Variants in PTPRA observed in about 807,000 individuals in gnomAD.
PTPRA encodes the protein protein tyrosine phosphatase receptor type A, also known as receptor-type tyrosine-protein phosphatase alpha.
A neutral mutation model predicts 104.8 loss-of-function variants in PTPRA; 25 were observed. The ratio of observed to expected loss-of-function variants is 0.24; its 90% CI spans 0.17 to 0.33. The LOEUF (loss-of-function observed/expected upper bound fraction) is 0.33. Among genes scored for constraint, PTPRA ranks in the 10% least tolerant of loss-of-function variants. The pLI is 1.00. For synonymous variants in PTPRA, 323 were observed against 368.9 expected, an observed-to-expected ratio of 0.88 and a Z score of 1.43; for missense variants, 765 against 1,015.3, an observed-to-expected ratio of 0.75 and a Z score of 3.35.
rs75018416 is a variant in PTPRA, at chr20:2,955,680, A to G, written c.-7+7656A>G. The G allele has an allele frequency of 7.1e-6, 7 of 983,998 alleles. No individual in the cohort carries two copies. The East Asian group carries it at 8.0e-4, about 112-fold the overall frequency. The allele number at this position is 983,998 out of a possible 1,614,324, so 61.0% of individuals were successfully genotyped here. A position where few individuals can be genotyped will look rare whatever the true frequency, so the allele number is the denominator to read the frequency against. On this transcript the variant is annotated intron_variant, in intron 3 of 23. Transcript: ENST00000399903. ...GGCAACTCTTCAGAGTGCTGTTCCT[A>G]CTCCACCCTCCCCTGGTGGTATGTA...
intron 1 of PTPRA, among the ~76,000 whole-genome samples, chr20:2,898,244 T>C (rs943653897): frequency 3.3e-5 from 5 of 151,714 alleles, no homozygotes; most frequent in Non-Finnish European, 7.4e-5. Flanking sequence ...CATGCCCGGC[T>C]AATTTTTTTG....
chr20:3,029,847 C>T (rs918343301), intron 20 of PTPRA, among the ~76,000 whole-genome samples: 1 of 152,066 alleles, frequency 6.6e-6, no homozygotes, highest in Non-Finnish European at 1.5e-5. Context: ...TCATTAATAA[C>T]AATACTGATG....
chr20:2,990,469 A>G (rs1279109516), intron 9 of PTPRA, among the ~76,000 whole-genome samples: 1 of 152,064 alleles, frequency 6.6e-6, no homozygotes. Context: ...TATAATCCCA[A>G]CACTTTGAGA....
chr20:2,866,261 A>G, the PTPRA span: 1 of 1,614,130 alleles, frequency 6.2e-7, no homozygotes, highest in Non-Finnish European at 8.5e-7. Context: ...GAAGCCAAGA[A>G]GTATGCTTCC....
chr20:2,946,707 G>T (rs976709576), intron 2 of PTPRA, among the ~76,000 whole-genome samples: 2 of 151,954 alleles, frequency 1.3e-5, no homozygotes, highest in Admixed American at 1.3e-4. Flanking sequence ...AATTAGCCGG[G>T]CGTGGTGGCG....
the PTPRA span, chr20:2,864,482 T>A: frequency 1.2e-5 from 20 of 1,613,876 alleles, no homozygotes; most frequent in East Asian, 8.9e-5. The surrounding 1 kb of genome is among the most constrained non-coding windows in gnomAD (Gnocchi z 5.2). Flanking sequence ...GTGGGCAGGG[T>A]TGTGGTGTAG....
intron 2 of PTPRA, among the ~76,000 whole-genome samples, 199 bp from the exon 3 acceptor site, chr20:2,947,783 T>C (rs2061192382): frequency 6.6e-6 from 1 of 152,194 alleles, no homozygotes. Context: ...GAAGTTAGTG[T>C]CTGCCAGTAT....
intron 1 of PTPRA, among the ~76,000 whole-genome samples, chr20:2,901,056 C>G (rs1443871643): frequency 6.6e-6 from 1 of 151,906 alleles, no homozygotes; most frequent in Non-Finnish European, 1.5e-5. Flanking sequence ...ACTGTGACCT[C>G]TGCCTCCTGG....
At chr20:2,982,523 G>A (rs2062725756) in intron 6 of PTPRA, among the ~76,000 whole-genome samples, 1 of 152,058 alleles carries the variant, frequency 6.6e-6, no homozygotes, top group African/African-American at 2.4e-5. Flanking sequence ...TAGGTTTTAG[G>A]TGTACAGTGA....
At chr20:2,939,283 A>G (rs2060818345) in intron 2 of PTPRA, among the ~76,000 whole-genome samples, 1 of 152,204 alleles carries the variant, frequency 6.6e-6, no homozygotes, top group Non-Finnish European at 1.5e-5. Flanking sequence ...TCTCCTCACC[A>G]TAATCCTTTC....
chr20:3,007,570 A>C, intron 11 of PTPRA, 150 bp downstream of exon 11: 1 of 739,224 alleles, frequency 1.4e-6, no homozygotes, highest in Non-Finnish European at 2.2e-6. Context: ...ATTTTTTTTT[A>C]AGGTCAGTCA....
chr20:2,884,299 T>C (rs1464700403), intron 1 of PTPRA, among the ~76,000 whole-genome samples: 1 of 152,176 alleles, frequency 6.6e-6, no homozygotes. Flanking sequence ...TGACTAACTT[T>C]GAGGGGCTGT....
chr20:2,982,082 C>T (rs1196220196), intron 6 of PTPRA, among the ~76,000 whole-genome samples: 1 of 149,410 alleles, frequency 6.7e-6, no homozygotes, highest in Non-Finnish European at 1.5e-5. Context: ...TAATTACTTT[C>T]TTCTTCTTCT....
At chr20:3,029,819 CGCCCAGTGTCTTCATCAT>C (rs1030412767) in intron 20 of PTPRA, among the ~76,000 whole-genome samples, 11 of 152,200 alleles carry the variant, frequency 7.2e-5, no homozygotes, top group Admixed American at 5.9e-4. Flanking sequence ...TGAGCCACTG[CGCCCAGTGTCTTCATCAT>C]CATTAATAAC....
intron 3 of PTPRA, among the ~76,000 whole-genome samples, chr20:2,953,311 G>A (rs1231482076): frequency 3.3e-5 from 5 of 151,744 alleles, no homozygotes; most frequent in Admixed American, 6.6e-5. Context: ...CTGAAGTGTA[G>A]TGGCGCAATC....
intron 3 of PTPRA, among the ~76,000 whole-genome samples, chr20:2,963,703 G>A (rs2061842171): frequency 6.6e-6 from 1 of 152,098 alleles, no homozygotes; most frequent in African/African-American, 2.4e-5. Context: ...GCGCAGACAT[G>A]ATGCTCAAAA....
intron 2 of PTPRA, among the ~76,000 whole-genome samples, chr20:2,926,883 T>C (rs1204426632): frequency 3.4e-5 from 5 of 146,534 alleles, no homozygotes; most frequent in African/African-American, 1.2e-4. Context: ...CTCTGCCTCC[T>C]AGGCTGAAGT....
chr20:3,015,823 T>G, intron 11 of PTPRA, 26 bp from the exon 12 acceptor site: 5 of 1,531,506 alleles, frequency 3.3e-6, no homozygotes, highest in Non-Finnish European at 4.5e-6. Context: ...TTTCTCTTTC[T>G]TTTTCTTTCC....
At position 3,022,243 on chromosome 20, in the gene PTPRA, A is replaced by C. The variant is rs544090; in HGVS notation, c.1328+23A>C. The C allele has an allele frequency of 0.55, 888,028 of 1,610,526 alleles. 255,766 individuals are homozygous for C. The highest frequency in any genetic ancestry group is 0.92 in the East Asian group (41,145 of 44,800). ...CAGGTCAGTGTGGCCTGACCCTTGT[A>C]CCCCCACCCCCACATTTCGCCCCCA... On this transcript the variant is annotated intron_variant, in intron 15 of 23. Transcript: ENST00000399903. The surrounding 1 kb of genome is among the most constrained non-coding windows in gnomAD (Gnocchi z 4.6).
Sources: allele counts gnomAD v4.1 joint callset (sites outside exome capture counted in the v4.1 genomes callset), GRCh38; gene constraint gnomAD v4.1.1; non-coding constraint Gnocchi (gnomAD v3.1); transcripts MANE v1.5; gene names NCBI Gene and HGNC (gene_info 2026-07-23, HGNC 2026-07-21).